Variants in PEDS1 observed in about 807,000 individuals in gnomAD.
PEDS1 encodes the protein CarF homolog.
In PEDS1, 14 loss-of-function variants were observed where a neutral mutation model predicts 35.2. That is an observed-to-expected ratio of 0.40 (90% CI 0.26 to 0.62). PEDS1 has a LOEUF of 0.62. Among genes scored for constraint, PEDS1 ranks in the 20% least tolerant of loss-of-function variants. The pLI, the probability that PEDS1 is intolerant of heterozygous loss-of-function variation, is 0.44. For missense variants in PEDS1, 260 were observed against 367.8 expected (o/e 0.71, Z 2.40); for synonymous variants, 152 against 152.0 (o/e 1.00, Z 0.00).
chr20:50,151,619 G>C (rs1367634362), intron 1 of PEDS1, among the ~76,000 whole-genome samples: 3 of 152,176 alleles, frequency 2.0e-5, no homozygotes, highest in Admixed American at 1.3e-4. Context: ...CAGCACTGTG[G>C]GAGGCCGAGG....
chr20:50,151,166 T>G lies in PEDS1; in HGVS notation c.121+2351A>C, dbSNP rs1467150875. Reference sequence around the variant, plus strand: ...GAGCAGATAGAAGCAGAGAGGCCAGTGGAAAGGAAGTTGGAGAAACCAGTT... The same window carrying G: ...GAGCAGATAGAAGCAGAGAGGCCAGGGGAAAGGAAGTTGGAGAAACCAGTT... On this transcript the variant is annotated intron_variant, in intron 1 of 5. Transcript: ENST00000371652. The G allele has an allele frequency of 5.4e-6, 6 of 1,101,202 alleles. No homozygotes were observed. In the African/African-American group the frequency reaches 6.5e-5, roughly 12 times the overall value. The allele number at this position is 1,101,202 out of a possible 1,614,324, so 68.2% of individuals were successfully genotyped here.
At chr20:50,132,781 T>C (rs965031347) in intron 2 of PEDS1, among the ~76,000 whole-genome samples, 9 of 152,188 alleles carry the variant, frequency 5.9e-5, no homozygotes, top group African/African-American at 1.7e-4. Context: ...GTTTGGCACA[T>C]AGTAAGCCCT....
intron 3 of PEDS1, among the ~76,000 whole-genome samples, chr20:50,130,401 G>A (rs970319938): frequency 7.2e-5 from 11 of 152,212 alleles, no homozygotes; most frequent in Admixed American, 5.9e-4. Flanking sequence ...GACTGGGCCT[G>A]AAGAATGTGG....
chr20:50,145,567 C>T (rs1305486764), intron 1 of PEDS1, among the ~76,000 whole-genome samples: 8 of 151,868 alleles, frequency 5.3e-5, no homozygotes, highest in African/African-American at 1.9e-4. Flanking sequence ...TGGTGGCAGG[C>T]GCCTGTAGTC....
In PEDS1 at chr20:50,143,594, A is replaced by G. The variant is rs1293310672; in HGVS notation, c.149T>C (p.Val50Ala). The G allele has an allele frequency of 3.1e-6, 5 of 1,613,990 alleles. No homozygotes were observed. Among genetic ancestry groups the G allele is most frequent in the Non-Finnish European group, 3.4e-6 (4 of 1,180,008 alleles). The change falls in exon 2 of 6, where the codon GTG becomes GCG. Residue 50 changes from valine (V) to alanine (A), a missense_variant. This residue lies in a region of PEDS1 where 114 missense variants were observed against 121.6 expected (regional missense o/e 0.94). Transcript: ENST00000371652. ...GGCGATGAGGCTGAAGCACAGGATCACAGAGCACCACTCCTGGAGGCGCTT... is the reference window on the plus strand; with the variant it reads ...GGCGATGAGGCTGAAGCACAGGATCGCAGAGCACCACTCCTGGAGGCGCTT... ...PGKRLQEWCS[V>A]ILCFSLIAHN...
intron 1 of PEDS1, among the ~76,000 whole-genome samples, chr20:50,147,865 T>C (rs2081361820): frequency 6.7e-6 from 1 of 149,782 alleles, no homozygotes; most frequent in South Asian, 2.1e-4. Context: ...TCAGCCTGGC[T>C]AACATGAACA....
At chr20:50,150,387 C>T (rs974486689) in intron 1 of PEDS1, among the ~76,000 whole-genome samples, 19 of 152,184 alleles carry the variant, frequency 1.2e-4, no homozygotes, top group Admixed American at 3.9e-4. Context: ...CCTAAACATG[C>T]CTGGCAAGCT....
rs2081074429 is a variant in PEDS1, at chr20:50,124,102, TCA to T, written c.*954_*955del. Reference sequence around the variant, plus strand: ...CTGGGAATGGGGCGAGAGTGGGGCCTCACGTCCCAGGCTCCTTGATACCCCCC... The same window carrying T: ...CTGGGAATGGGGCGAGAGTGGGGCCTCGTCCCAGGCTCCTTGATACCCCCC... On this transcript the variant is annotated 3_prime_UTR_variant, in exon 6 of 6. Transcript: ENST00000371652. 1 of 152,524 alleles carries T rather than the reference TCA, an allele frequency of 6.6e-6. No individual in the cohort carries two copies. The highest frequency in any genetic ancestry group is 1.5e-5 in the Non-Finnish European group (1 of 68,024). The allele number at this position is 152,524 out of a possible 1,614,324, so 9.4% of individuals were successfully genotyped here. A position where few individuals can be genotyped will look rare whatever the true frequency, so the allele number is the denominator to read the frequency against.
intron 2 of PEDS1, among the ~76,000 whole-genome samples, chr20:50,143,196 A>G (rs1425260170): frequency 2.0e-5 from 3 of 152,190 alleles, no homozygotes; most frequent in Admixed American, 6.5e-5. Flanking sequence ...CGTGGGGACC[A>G]TGAAGGTACA....
intron 1 of PEDS1, among the ~76,000 whole-genome samples, chr20:50,146,923 C>G (rs1362645826): frequency 6.6e-6 from 1 of 152,186 alleles, no homozygotes; most frequent in African/African-American, 2.4e-5. Context: ...CCAGCAAGGC[C>G]TTCCCCTTTC....
intron 2 of PEDS1, among the ~76,000 whole-genome samples, chr20:50,131,419 C>T (rs1005342254): frequency 6.6e-6 from 1 of 151,924 alleles, no homozygotes; most frequent in African/African-American, 2.4e-5. Flanking sequence ...GTCAGGAGTT[C>T]GAGAATAGCC....
intron 1 of PEDS1, 27 bp downstream of exon 1, chr20:50,153,490 G>A: frequency 7.5e-7 from 1 of 1,336,812 alleles, no homozygotes; most frequent in Non-Finnish European, 9.7e-7. Context: ...GTGACCGCAG[G>A]CCTGGAGGGG....
Position 50,129,489 on chromosome 20 carries a change from G to A in PEDS1, c.478+57C>T. 1 of 1,608,644 alleles carries A rather than the reference G, an allele frequency of 6.2e-7. No individual in the cohort carries two copies. Among genetic ancestry groups the A allele is most frequent in the Non-Finnish European group, 8.5e-7 (1 of 1,177,066 alleles). On this transcript the variant is annotated intron_variant, in intron 4 of 5. Transcript: ENST00000371652. This position sits in a 1 kb window ranked among gnomAD's most constrained non-coding sequence, Gnocchi z 4.2. ...CACATAAGCCCCAGAAGGCTCCTGGGGGTCGGCCTCTGCCCCCAAGGCCCC... is the reference window on the plus strand; with the variant it reads ...CACATAAGCCCCAGAAGGCTCCTGGAGGTCGGCCTCTGCCCCCAAGGCCCC...
chr20:50,137,018 A>C (rs1432944620), intron 2 of PEDS1, among the ~76,000 whole-genome samples: 1 of 151,962 alleles, frequency 6.6e-6, no homozygotes, highest in Non-Finnish European at 1.5e-5. Flanking sequence ...GTGACAGAGG[A>C]AGACTTCATC....
At chr20:50,127,340 G>GTTTTTTTTTTT (rs11471254) in intron 5 of PEDS1, among the ~76,000 whole-genome samples, 2 of 87,184 alleles carry the variant, frequency 2.3e-5, no homozygotes, top group Non-Finnish European at 2.1e-5. Context: ...GTGTTTTCTG[G>GTTTTTTTTTTT]TTTTTTTTTT....
chr20:50,133,292 G>C (rs2081198344), intron 2 of PEDS1, among the ~76,000 whole-genome samples: 1 of 152,118 alleles, frequency 6.6e-6, no homozygotes, highest in South Asian at 2.1e-4. Flanking sequence ...AGCACGGGAG[G>C]GGTGGTGGGG....
intron 2 of PEDS1, among the ~76,000 whole-genome samples, chr20:50,136,096 T>TTC (rs2081230976): frequency 6.6e-6 from 1 of 151,880 alleles, no homozygotes; most frequent in Non-Finnish European, 1.5e-5. Context: ...AACTACTTTT[T>TTC]TTAAAAAAAA....
chr20:50,139,592 A>G (rs2081271810), intron 2 of PEDS1, among the ~76,000 whole-genome samples: 1 of 151,374 alleles, frequency 6.6e-6, no homozygotes, highest in South Asian at 2.1e-4. Flanking sequence ...CAGCCTGGAA[A>G]CACGGGAGAC....
intron 1 of PEDS1, among the ~76,000 whole-genome samples, chr20:50,146,311 C>G (rs543955988): frequency 1.1e-4 from 16 of 152,252 alleles, no homozygotes; most frequent in South Asian, 8.3e-4. Flanking sequence ...ACACTCCCCC[C>G]ACACGAGGCC....
Sources: gnomAD v4.1 joint callset for allele counts (sites outside exome capture counted in the v4.1 genomes callset) on GRCh38, gnomAD v4.1.1 for gene constraint, gnomAD v4.1.1 regional missense constraint, Gnocchi (gnomAD v3.1) non-coding constraint, MANE v1.5 for transcripts, NCBI Gene and HGNC (gene_info 2026-07-23, HGNC 2026-07-21) for gene names.